NR3C2: variants seen among roughly 807,000 people sequenced by gnomAD.
NR3C2 encodes the protein nuclear receptor subfamily 3 group C member 2, also known as mineralocorticoid receptor.
Under a neutral mutation model 86.4 loss-of-function variants are expected in NR3C2, and 15 were observed. That is an observed-to-expected ratio of 0.17 (90% CI 0.12 to 0.27). NR3C2 has a LOEUF of 0.27. Ranked by LOEUF, NR3C2 falls within the 10% of genes least tolerant of loss-of-function variation. The probability of loss-of-function intolerance (pLI) is 1.00; values close to 1 mark genes in which losing one functional copy is unlikely to be tolerated. For synonymous variants in NR3C2, 458 were observed against 450.5 expected (o/e 1.02, Z -0.21); for missense variants, 960 against 1,195.6 (o/e 0.80, Z 2.91).
intron 2 of NR3C2, among the ~76,000 whole-genome samples, chr4:148,305,140 T>C (rs1272329078): frequency 6.6e-6 from 1 of 152,182 alleles, no homozygotes; most frequent in East Asian, 1.9e-4. Context: ...TTGGTTTTAC[T>C]GGAATAACAA....
At position 148,319,249 on chromosome 4, in the gene NR3C2, T is replaced by C. The variant is rs1448798527; in HGVS notation, c.1758-59132A>G. ...CCATTGACCTATATCTCTGTTTTGGTACTAGTACCATGCTGTTTTGGTTAC... is the reference window on the plus strand; with the variant it reads ...CCATTGACCTATATCTCTGTTTTGGCACTAGTACCATGCTGTTTTGGTTAC... On this transcript the variant is annotated intron_variant, in intron 2 of 8. Transcript: ENST00000358102. Among the ~76,000 whole-genome samples, 3 of 152,208 alleles carry C rather than the reference T, an allele frequency of 2.0e-5. No homozygotes were observed. In the East Asian group the frequency reaches 5.8e-4, roughly 29 times the overall value.
At chr4:148,130,762 C>G (rs1164309396) in intron 6 of NR3C2, among the ~76,000 whole-genome samples, 1 of 149,378 alleles carries the variant, frequency 6.7e-6, no homozygotes, top group Non-Finnish European at 1.5e-5. Flanking sequence ...TCTGGAATCT[C>G]AAGAGGAGGC....
At chr4:148,205,822 C>T (rs1246838474) in intron 3 of NR3C2, among the ~76,000 whole-genome samples, 1 of 152,126 alleles carries the variant, frequency 6.6e-6, no homozygotes, top group Admixed American at 6.5e-5. Flanking sequence ...ATCTTGAGGA[C>T]TGTTTTCTGG....
chr4:148,369,590 G>A (rs748618796), intron 2 of NR3C2, among the ~76,000 whole-genome samples: 3 of 152,182 alleles, frequency 2.0e-5, no homozygotes, highest in Non-Finnish European at 2.9e-5. Flanking sequence ...TTAGCACTTT[G>A]AGTATAATCA....
At chr4:148,224,895 G>T (rs1249940721) in intron 3 of NR3C2, among the ~76,000 whole-genome samples, 1 of 152,090 alleles carries the variant, frequency 6.6e-6, no homozygotes, top group African/African-American at 2.4e-5. Flanking sequence ...GCTACATCCA[G>T]AAAAAACTCC....
chr4:148,338,376 G>A (rs553509508), intron 2 of NR3C2, among the ~76,000 whole-genome samples: 1 of 152,152 alleles, frequency 6.6e-6, no homozygotes, highest in Non-Finnish European at 1.5e-5. Context: ...TAAATGTTAT[G>A]GGATTTTTAA....
At chr4:148,118,662 T>C (rs893198926) in intron 7 of NR3C2, among the ~76,000 whole-genome samples, 4 of 152,180 alleles carry the variant, frequency 2.6e-5, no homozygotes, top group Non-Finnish European at 5.9e-5. Context: ...TATCAAAAAA[T>C]TAACCTATCC....
At chr4:148,240,407 G>C (rs1738968977) in intron 3 of NR3C2, among the ~76,000 whole-genome samples, 1 of 151,974 alleles carries the variant, frequency 6.6e-6, no homozygotes, top group African/African-American at 2.4e-5. Flanking sequence ...ACATTGGACA[G>C]TGCATGTTTC....
At chr4:148,098,352 A>G (rs1487287599) in intron 8 of NR3C2, among the ~76,000 whole-genome samples, 1 of 152,204 alleles carries the variant, frequency 6.6e-6, no homozygotes, top group African/African-American at 2.4e-5. Context: ...CTTCTTTAAC[A>G]CACATATTTT....
At chr4:148,349,263 T>C (rs1579190844) in intron 2 of NR3C2, among the ~76,000 whole-genome samples, 1 of 152,216 alleles carries the variant, frequency 6.6e-6, no homozygotes, top group South Asian at 2.1e-4. Flanking sequence ...GTCTTCACAT[T>C]TCTGGTATTA....
chr4:148,327,417 G>C (rs1201892503), intron 2 of NR3C2, among the ~76,000 whole-genome samples: 1 of 152,186 alleles, frequency 6.6e-6, no homozygotes, highest in Non-Finnish European at 1.5e-5. Context: ...ACCTTATACA[G>C]TCTCAATCTA....
At chr4:148,202,904 G>A (rs1207939721) in intron 3 of NR3C2, among the ~76,000 whole-genome samples, 1 of 152,156 alleles carries the variant, frequency 6.6e-6, no homozygotes, top group Non-Finnish European at 1.5e-5. Flanking sequence ...TGATGACAGT[G>A]AAGGCATAGT....
intron 3 of NR3C2, among the ~76,000 whole-genome samples, chr4:148,196,105 T>C (rs748004660): frequency 1.3e-5 from 2 of 152,052 alleles, no homozygotes; most frequent in African/African-American, 2.4e-5. Context: ...GGCTGGGTCA[T>C]TGTGGTAGCA....
intron 2 of NR3C2, among the ~76,000 whole-genome samples, chr4:148,340,607 C>T (rs1279867930): frequency 6.6e-6 from 1 of 152,000 alleles, no homozygotes. Flanking sequence ...CTCAAATGAA[C>T]AGGCAACAAA....
intron 2 of NR3C2, among the ~76,000 whole-genome samples, chr4:148,262,251 CTA>C (rs1198944624): frequency 2.6e-5 from 4 of 151,998 alleles, no homozygotes; most frequent in Non-Finnish European, 5.9e-5. Context: ...GATCCCAGTA[CTA>C]TTTTATTGGG....
chr4:148,174,529 T>C (rs990983994), intron 4 of NR3C2, among the ~76,000 whole-genome samples: 2 of 152,194 alleles, frequency 1.3e-5, no homozygotes, highest in Non-Finnish European at 2.9e-5. Flanking sequence ...CTGACTGTAC[T>C]GATGACCAGC....
intron 3 of NR3C2, among the ~76,000 whole-genome samples, chr4:148,254,593 T>C (rs566304565): frequency 6.6e-6 from 1 of 152,306 alleles, no homozygotes; most frequent in South Asian, 2.1e-4. Context: ...CTTATGCTTA[T>C]GGAAGGAGGA....
At chr4:148,226,960 TAAGAA>T (rs779505760) in intron 3 of NR3C2, among the ~76,000 whole-genome samples, 2 of 152,198 alleles carry the variant, frequency 1.3e-5, no homozygotes, top group African/African-American at 2.4e-5. Flanking sequence ...CAAAAAAGTT[TAAGAA>T]AAGTACATAA....
At chr4:148,421,772 C>A (rs1749293562) in intron 2 of NR3C2, among the ~76,000 whole-genome samples, 1 of 152,140 alleles carries the variant, frequency 6.6e-6, no homozygotes, top group African/African-American at 2.4e-5. Context: ...AAGCATACTT[C>A]AGCATTATGA....
Sources: allele counts gnomAD v4.1 joint callset (sites outside exome capture counted in the v4.1 genomes callset), GRCh38; gene constraint gnomAD v4.1.1; transcripts MANE v1.5; gene names NCBI Gene and HGNC (gene_info 2026-07-23, HGNC 2026-07-21).